EEF2: variants seen among roughly 807,000 people sequenced by gnomAD.
EEF2 encodes elongation factor 2.
A neutral mutation model predicts 85.3 loss-of-function variants in EEF2; 21 were observed. That is an observed-to-expected ratio of 0.25 (90% CI 0.17 to 0.35). The LOEUF is 0.35. Ranked by LOEUF, EEF2 falls within the 10% of genes least tolerant of loss-of-function variation. The pLI is 1.00. For synonymous variants in EEF2, 723 were observed against 508.8 expected (o/e 1.42, Z -5.67); for missense variants, 825 against 1,225.3 (o/e 0.67, Z 4.88).
chr19:3,978,297 G>A, intron 11 of EEF2, 125 bp from the exon 12 acceptor site: 1 of 762,286 alleles, frequency 1.3e-6, no homozygotes, highest in Non-Finnish European at 2.0e-6. Flanking sequence ...ACGTCAATCA[G>A]AACGAAGCGG....
chr19:3,984,912 T>G, intron 1 of EEF2: 1 of 172,544 alleles, frequency 5.8e-6, no homozygotes, highest in Non-Finnish European at 1.2e-5. Context: ...AGGTCGACGA[T>G]TAACAGCATC....
rs765769458 is a variant in EEF2, at chr19:3,980,895, T to G, written c.1096A>C (p.Lys366Gln). Residue 366 changes from lysine to glutamine, a missense_variant, in exon 8 of 15, where the codon AAG becomes CAG. By Grantham distance (53) the Lys-to-Gln change is moderately conservative. Transcript: ENST00000309311. ...TCGTACAGGAGCTCGCAGCGGTACT[T>G]CTGGGCCGTCACAGGGGAGGGCAGG... ...IHLPSPVTAQ[K>Q]YRCELLYEGP... 1 of 1,565,056 alleles carries G rather than the reference T, an allele frequency of 6.4e-7. No individual in the cohort carries two copies. The highest frequency in any genetic ancestry group is 1.9e-5 in the Admixed American group (1 of 52,782).
intron 2 of EEF2, 118 bp downstream of exon 2, chr19:3,984,018 T>C (rs1568203038): frequency 1.8e-6 from 2 of 1,088,674 alleles, no homozygotes; most frequent in Non-Finnish European, 2.7e-6. Context: ...CTCCCATGAA[T>C]TAAGAAACCA....
chr19:3,983,150 T>C lies in EEF2; in HGVS notation c.360A>G (p.Arg120=). 6.2e-7 allele frequency: 1 copy of C among 1,613,984 alleles called. No individual in the cohort carries two copies. The highest frequency in any genetic ancestry group is 8.5e-7 in the Non-Finnish European group (1 of 1,179,974). Residue 120 remains arginine, a synonymous_variant, in exon 3 of 15, where the codon CGA becomes CGG. Coordinates refer to ENST00000309311, the MANE Select transcript of EEF2 (RefSeq NM_001961.4). ...DFSSEVTAAL[R]VTDGALVVVD... Reference sequence around the variant, plus strand: ...CCACCACCAATGCGCCATCGGTGACTCGGAGGGCAGCAGTCACCTCCGAGG... The same window carrying C: ...CCACCACCAATGCGCCATCGGTGACCCGGAGGGCAGCAGTCACCTCCGAGG...
Position 3,976,390 on chromosome 19 carries a change from C to T in EEF2, c.*164G>A, listed in dbSNP as rs2039680158. 13 of 716,550 alleles carry T rather than the reference C, an allele frequency of 1.8e-5. No individual in the cohort carries two copies. Among genetic ancestry groups the T allele is most frequent in the Non-Finnish European group, 1.1e-5 (5 of 448,828 alleles). The allele number at this position is 716,550 out of a possible 1,614,324, so 44.4% of individuals were successfully genotyped here. On this transcript the variant is annotated 3_prime_UTR_variant, in exon 15 of 15. Coordinates refer to ENST00000309311, the MANE Select transcript of EEF2 (RefSeq NM_001961.4). The stretch of plus-strand genomic sequence containing the variant: ...TGGAAATAAATATTGAAAGAAACGG[C>T]ATCAAGTGTTATGGTTGAGTGATGG...
intron 1 of EEF2, 177 bp downstream of exon 1, chr19:3,985,201 T>C: frequency 1.6e-6 from 1 of 642,564 alleles, no homozygotes; most frequent in Non-Finnish European, 2.3e-6. Context: ...AAGGGCTCGG[T>C]GAACAGCGCG....
rs1158968770 is a variant in EEF2 at position 3,977,333 on chromosome 19, C to T, written c.2265G>A (p.Val755=). Residue 755 remains valine, a synonymous_variant, in exon 14 of 15, where the codon GTG becomes GTA. Coordinates refer to ENST00000309311, the MANE Select transcript of EEF2 (RefSeq NM_001961.4). The surrounding 1 kb of genome is among the most constrained non-coding windows in gnomAD (Gnocchi z 5.4). The part of the protein sequence containing the change: ...YLVEIQCPEQ[V]VGGIYGVLNR... Reference sequence around the variant, plus strand: ...TCAAAACCCCGTAGATGCCACCGACCACCTGCTCTGGACACTGCCAGAAGG... The same window carrying T: ...TCAAAACCCCGTAGATGCCACCGACTACCTGCTCTGGACACTGCCAGAAGG... The T allele has an allele frequency of 2.5e-6, 4 of 1,593,902 alleles. No homozygotes were observed. In the African/African-American group the frequency reaches 5.4e-5, roughly 21 times the overall value.
rs1228051773 is a variant in EEF2 at position 3,985,448 on chromosome 19, G to T, written c.-68C>A. Reference sequence around the variant, plus strand: ...AGCGAGTCGCGCCGAGGATGGCGGCGACGACGGCGGAAGAGAACGCTGACG... The same window carrying T: ...AGCGAGTCGCGCCGAGGATGGCGGCTACGACGGCGGAAGAGAACGCTGACG... On this transcript the variant is annotated 5_prime_UTR_variant, in exon 1 of 15. Transcript: ENST00000309311. 1 of 1,428,100 alleles carries T rather than the reference G, an allele frequency of 7.0e-7. No homozygotes were observed. Among genetic ancestry groups the T allele is most frequent in the East Asian group, 2.8e-5 (1 of 36,208 alleles). 88.5% of individuals were successfully genotyped at this position (1,428,100 alleles called of 1,614,324 possible). A position where few individuals can be genotyped will look rare whatever the true frequency, so the allele number is the denominator to read the frequency against.
chr19:3,985,415 CCGAAAGAAG>C lies in EEF2; in HGVS notation c.-44_-36del. The stretch of plus-strand genomic sequence containing the variant: ...TGGCGGTGGATTCTCCCAGGTAGAA[CCGAAAGAAG>C]CGAGTCGCGCCGAGGATGGCGGCGA... On this transcript the variant is annotated 5_prime_UTR_variant, in exon 1 of 15. Coordinates refer to ENST00000309311, the MANE Select transcript of EEF2 (RefSeq NM_001961.4). 6.7e-7 allele frequency: 1 copy of C among 1,485,196 alleles called. No individual in the cohort carries two copies. Among genetic ancestry groups the C allele is most frequent in the South Asian group, 1.3e-5 (1 of 75,838 alleles). 92.0% of individuals were successfully genotyped at this position (1,485,196 alleles called of 1,614,324 possible).
At chr19:3,981,270 G>A (rs557883722) in intron 7 of EEF2, 69 bp downstream of exon 7, 144 of 1,476,360 alleles carry the variant, frequency 9.8e-5, no homozygotes, top group Admixed American at 4.2e-4. Context: ...CCCCAGGCCT[G>A]GGCTGTCAGA....
rs994892680 is a variant in EEF2, at chr19:3,982,300, G to C, written c.737C>G (p.Pro246Arg). The C allele has an allele frequency of 6.2e-7, 1 of 1,614,154 alleles. No individual in the cohort carries two copies. The highest frequency in any genetic ancestry group is 8.5e-7 in the Non-Finnish European group (1 of 1,180,026). The change falls in exon 5 of 15, where the codon CCT (proline) becomes CGT (arginine). Residue 246 changes from proline (P) to arginine (R), a missense_variant. Physicochemically the swap from Pro to Arg is moderately radical, Grantham distance 103. Transcript: ENST00000309311. ...CTCTACTTTCTTGGCCCGCTCGGCA[G>C]GCCCCAACTGGCCCTCCCCCTTGGC... Reference protein sequence around the residue: ...FAAKGEGQLGPAERAKKVEDM... With the variant: ...FAAKGEGQLGRAERAKKVEDM...
Position 3,977,231 on chromosome 19 carries a change from G to C in EEF2, c.2367C>G (p.Pro789=), listed in dbSNP as rs760361343. 6.2e-7 allele frequency: 1 copy of C among 1,613,636 alleles called. No homozygotes were observed. The highest frequency in any genetic ancestry group is 8.5e-7 in the Non-Finnish European group (1 of 1,179,930). Reference sequence around the variant, plus strand: ...GGCACTCACCAAAGGACTCGTTGACGGGCAGATAGGCCTTGACCACAAACA... The same window carrying C: ...GGCACTCACCAAAGGACTCGTTGACCGGCAGATAGGCCTTGACCACAAACA... ...TPMFVVKAYL[P]VNESFGFTAD... is the part of the protein sequence containing the mutation. Residue 789 remains proline, a synonymous_variant, in exon 14 of 15, where the codon CCC becomes CCG. Coordinates refer to ENST00000309311, the MANE Select transcript of EEF2 (RefSeq NM_001961.4). This position sits in a 1 kb window ranked among gnomAD's most constrained non-coding sequence, Gnocchi z 5.4.
chr19:3,979,768 C>G, intron 10 of EEF2, 40 bp downstream of exon 10: 4 of 1,596,532 alleles, frequency 2.5e-6, no homozygotes, highest in African/African-American at 1.3e-5. Flanking sequence ...GCCGTCCCCC[C>G]TCAGGGTGTC....
In EEF2 at chr19:3,979,964, G is replaced by A. The variant is rs1455424340; in HGVS notation, c.1449C>T (p.Gly483=). 3.7e-6 allele frequency: 6 copies of A among 1,613,820 alleles called. No homozygotes were observed. Among genetic ancestry groups the A allele is most frequent in the East Asian group, 2.2e-5 (1 of 44,902 alleles). ...VGVDQFLVKT[G]TITTFEHAHN... ...GCGCGTGCTCGAAGGTGGTGATGGTGCCCGTCTTCACCAGGAACTGGTCCA... is the reference window on the plus strand; with the variant it reads ...GCGCGTGCTCGAAGGTGGTGATGGTACCCGTCTTCACCAGGAACTGGTCCA... Residue 483 remains glycine (G), a synonymous_variant, in exon 10 of 15, where the codon GGC becomes GGT. Transcript: ENST00000309311.
At position 3,982,843 on chromosome 19, in the gene EEF2, G is replaced by A. The variant is rs763451947; in HGVS notation, c.576C>T (p.Tyr192=). The change falls in exon 4 of 15, where the codon TAC becomes TAT. Residue 192 remains tyrosine (Y), a synonymous_variant. Transcript: ENST00000309311. ...CCATGGGGCCGCTCTCGCCCTCGCC[G>A]TAGGTGGAGATGATGACGTTCACGT... ...VENVNVIIST[Y]GEGESGPMGN... 1.4e-5 allele frequency: 22 copies of A among 1,613,088 alleles called. No individual in the cohort carries two copies. The highest frequency in any genetic ancestry group is 1.6e-4 in the Middle Eastern group (1 of 6,084).
At position 3,983,033 on chromosome 19, in the gene EEF2, G is replaced by A. The variant is rs1203510083; in HGVS notation, c.401-15C>T. 10 of 1,612,642 alleles carry A rather than the reference G, an allele frequency of 6.2e-6. No individual in the cohort carries two copies. In the African/African-American group the frequency reaches 1.2e-4, roughly 19 times the overall value. On this transcript the variant is annotated splice_polypyrimidine_tract_variant and intron_variant, in intron 3 of 14. Transcript: ENST00000309311. ...CACGCACACGCCTGGGGACACGGGGGACAGGGCGGCGCTGTCATCCTCAAG... is the reference window on the plus strand; with the variant it reads ...CACGCACACGCCTGGGGACACGGGGAACAGGGCGGCGCTGTCATCCTCAAG...
Position 3,978,132 on chromosome 19 carries a change from T to C in EEF2, c.1754A>G (p.Glu585Gly). The change falls in exon 12 of 15, where the codon GAA (glutamate) becomes GGA (glycine). Residue 585 changes from glutamate (E) to glycine (G), a missense_variant. Transcript: ENST00000309311. ...GGAGAGGCAGAGCACGTTCGACTCT[T>C]CACTGACCGTCTCGCGGTACGAGAC... is the stretch of plus-strand genomic sequence containing the variant. ...PVVSYRETVS[E>G]ESNVLCLSKS... The C allele has an allele frequency of 6.8e-7, 1 of 1,479,300 alleles. No individual in the cohort carries two copies. 91.6% of individuals were successfully genotyped at this position (1,479,300 alleles called of 1,614,324 possible).
chr19:3,978,884 G>A lies in EEF2; in HGVS notation c.1713+445C>T, dbSNP rs1304051033. On this transcript the variant is annotated intron_variant, in intron 11 of 14. Coordinates refer to ENST00000309311, the MANE Select transcript of EEF2 (RefSeq NM_001961.4). Reference sequence around the variant, plus strand: ...CACCTGTAATCCCAGCACTTTGGGAGGCCGAGGCAGGGGGATCACGAGGTC... The same window carrying A: ...CACCTGTAATCCCAGCACTTTGGGAAGCCGAGGCAGGGGGATCACGAGGTC... 4.7e-5 allele frequency among the ~76,000 whole-genome samples: 7 copies of A among 148,776 alleles called. No homozygotes were observed. In the East Asian group the frequency reaches 1.4e-3, roughly 30 times the overall value.
chr19:3,978,780 G>GCAA (rs963334228), intron 11 of EEF2, among the ~76,000 whole-genome samples: 1 of 102,976 alleles, frequency 9.7e-6, no homozygotes, highest in African/African-American at 3.8e-5. Flanking sequence ...TCCAGCCTAA[G>GCAA]CAACAGAGCA....
Sources: gnomAD v4.1 joint callset for allele counts (sites outside exome capture counted in the v4.1 genomes callset) on GRCh38, gnomAD v4.1.1 for gene constraint, Gnocchi (gnomAD v3.1) non-coding constraint, MANE v1.5 for transcripts, NCBI Gene and HGNC (gene_info 2026-07-23, HGNC 2026-07-21) for gene names.